CHRM2: variants seen among roughly 807,000 people sequenced by gnomAD.
CHRM2 encodes muscarinic acetylcholine receptor M2.
CHRM2 carries 8 observed loss-of-function variants against 25.0 expected under a neutral mutation model. That is an observed-to-expected ratio of 0.32 (90% CI 0.19 to 0.58). The LOEUF is 0.58. CHRM2 is among the 20% of genes least tolerant of loss of function. The pLI is 0.88. For missense variants in CHRM2, 440 were observed against 567.1 expected (o/e 0.78, Z 2.28); for synonymous variants, 202 against 205.7 (o/e 0.98, Z 0.15).
intron 2 of CHRM2, among the ~76,000 whole-genome samples, chr7:136,954,501 GTTTAT>G (rs1306379683): frequency 2.6e-5 from 4 of 152,074 alleles, no homozygotes; most frequent in African/African-American, 7.2e-5. Context: ...TAATAACATA[GTTTAT>G]TTTATTTCTG....
At chr7:136,898,838 T>C (rs969814810) in intron 2 of CHRM2, 1 of 152,048 alleles carries the variant, frequency 6.6e-6, no homozygotes, top group Non-Finnish European at 1.5e-5. Flanking sequence ...ACTATCAAGA[T>C]GGATGAAATA....
intron 2 of CHRM2, among the ~76,000 whole-genome samples, chr7:136,980,691 T>C (rs1045609571): frequency 6.6e-5 from 10 of 152,214 alleles, no homozygotes; most frequent in African/African-American, 2.2e-4. Flanking sequence ...TCTGCATCTA[T>C]TGAGATAATA....
chr7:136,926,683 G>T (rs974649466), intron 2 of CHRM2, among the ~76,000 whole-genome samples: 2 of 152,154 alleles, frequency 1.3e-5, no homozygotes, highest in African/African-American at 4.8e-5. Context: ...GAAGAAATTA[G>T]CTACTTTTGG....
chr7:136,942,161 G>A (rs1300818866), intron 2 of CHRM2, among the ~76,000 whole-genome samples: 1 of 152,108 alleles, frequency 6.6e-6, no homozygotes, highest in Non-Finnish European at 1.5e-5. Flanking sequence ...AACAGAGTAG[G>A]ATAAAGACAT....
intron 3 of CHRM2, among the ~76,000 whole-genome samples, chr7:137,007,561 G>A (rs1193753137): frequency 6.6e-6 from 1 of 152,040 alleles, no homozygotes; most frequent in Non-Finnish European, 1.5e-5. Flanking sequence ...GTGTTGCATG[G>A]CTCAAAGGAA....
intron 2 of CHRM2, among the ~76,000 whole-genome samples, chr7:136,940,799 T>C (rs1799720290): frequency 6.6e-6 from 1 of 152,208 alleles, no homozygotes; most frequent in South Asian, 2.1e-4. Context: ...AACTGTGAAT[T>C]AGATAGGTTA....
chr7:136,985,504 C>CAAAAAAAAAAAAAAAA (rs974105875), intron 2 of CHRM2, among the ~76,000 whole-genome samples: 1 of 59,756 alleles, frequency 1.7e-5, no homozygotes. Context: ...AGTTAGACTC[C>CAAAAAAAAAAAAAAAA]AAAAAAAAAA....
In CHRM2 at chr7:137,015,834, A is replaced by C; in HGVS notation, c.969A>C (p.Thr323=). 6.2e-7 allele frequency: 1 copy of C among 1,612,982 alleles called. No individual in the cohort carries two copies. The highest frequency in any genetic ancestry group is 8.5e-7 in the Non-Finnish European group (1 of 1,179,316). ...CCAAAGATGAGAACTCTAAGCAAAC[A>C]TGCATCAGAATTGGCACCAAGACCC... ...GHSKDENSKQ[T]CIRIGTKTPK... is the part of the protein sequence containing the mutation. The change falls in exon 4 of 4, where the codon ACA becomes ACC. Residue 323 remains threonine, a synonymous_variant. Transcript: ENST00000680005. The surrounding 1 kb of genome is among the most constrained non-coding windows in gnomAD (Gnocchi z 5.1).
intron 2 of CHRM2, among the ~76,000 whole-genome samples, chr7:136,912,537 T>C (rs113026142): frequency 6.6e-5 from 10 of 152,006 alleles, no homozygotes; most frequent in African/African-American, 2.4e-4. Context: ...ACCGTCACTC[T>C]ATTTGGTGGG....
intron 2 of CHRM2, among the ~76,000 whole-genome samples, chr7:136,967,346 G>T (rs915385553): frequency 5.3e-5 from 8 of 152,022 alleles, no homozygotes; most frequent in Admixed American, 3.3e-4. Context: ...TGATGATAAA[G>T]TGGGCGTGAT....
At chr7:136,947,917 A>C (rs1800163574) in intron 2 of CHRM2, among the ~76,000 whole-genome samples, 1 of 152,170 alleles carries the variant, frequency 6.6e-6, no homozygotes, top group Non-Finnish European at 1.5e-5. Flanking sequence ...ACAAGAGACA[A>C]CTGCAAGAAT....
intron 2 of CHRM2, among the ~76,000 whole-genome samples, chr7:136,983,314 A>C (rs974467597): frequency 2.6e-5 from 4 of 152,080 alleles, no homozygotes; most frequent in Non-Finnish European, 5.9e-5. Flanking sequence ...GTTCTTCTTT[A>C]AACTGGTTAT....
chr7:136,881,061 C>T (rs1796246617), intron 2 of CHRM2, among the ~76,000 whole-genome samples: 1 of 149,878 alleles, frequency 6.7e-6, no homozygotes, highest in African/African-American at 2.5e-5. Context: ...ATGTAGATGC[C>T]ACTGTATGCA....
chr7:136,966,308 C>T lies in CHRM2; in HGVS notation c.-124-25879C>T, dbSNP rs560562029. 2.4e-4 allele frequency among the ~76,000 whole-genome samples: 37 copies of T among 151,594 alleles called. 1 individual carries two copies. The highest frequency in any genetic ancestry group is 4.3e-4 in the Non-Finnish European group (29 of 67,786). On this transcript the variant is annotated intron_variant, in intron 2 of 3. Coordinates refer to ENST00000680005, the MANE Select transcript of CHRM2 (RefSeq NM_001006630.2). ...TTTCACATATTCTTTGTCTTATTTG[C>T]TTCATTTTTAATAAAATTGTCGTGA... is the stretch of plus-strand genomic sequence containing the variant.
At chr7:136,887,336 C>A (rs1266016470) in intron 2 of CHRM2, among the ~76,000 whole-genome samples, 3 of 150,162 alleles carry the variant, frequency 2.0e-5, no homozygotes, top group African/African-American at 4.9e-5. Flanking sequence ...TCGCTTTTCA[C>A]AAAAAAAAAA....
rs200187035 is a variant in CHRM2 at position 136,961,072 on chromosome 7, CCAAG to C, written c.-124-31114_-124-31111del. 6.8e-4 allele frequency among the ~76,000 whole-genome samples: 103 copies of C among 152,102 alleles called. 2 individuals are homozygous for C. In the East Asian group the frequency reaches 0.016, roughly 23 times the overall value. ...CCCAGAAGGTGGAGATTGCAGCGAGCCAAGATGGCGCCACTGCACTCCGGCCTGG... is the reference window on the plus strand; with the variant it reads ...CCCAGAAGGTGGAGATTGCAGCGAGCATGGCGCCACTGCACTCCGGCCTGG... On this transcript the variant is annotated intron_variant, in intron 2 of 3. Transcript: ENST00000680005.
At chr7:136,971,885 C>T (rs1256885902) in intron 2 of CHRM2, among the ~76,000 whole-genome samples, 1 of 152,136 alleles carries the variant, frequency 6.6e-6, no homozygotes, top group African/African-American at 2.4e-5. Context: ...ACCTTCACTA[C>T]TCTCATCTGT....
chr7:136,998,360 C>G (rs1279161235), intron 3 of CHRM2, among the ~76,000 whole-genome samples: 1 of 152,092 alleles, frequency 6.6e-6, no homozygotes, highest in East Asian at 1.9e-4. Flanking sequence ...CCAACAAGGC[C>G]GAAGTAGCAT....
intron 2 of CHRM2, among the ~76,000 whole-genome samples, chr7:136,885,850 G>C (rs1322978038): frequency 6.6e-6 from 1 of 152,130 alleles, no homozygotes; most frequent in African/African-American, 2.4e-5. Context: ...GGATTGAGGG[G>C]GGAAGAGGAA....
Sources: gnomAD v4.1 joint callset for allele counts (sites outside exome capture counted in the v4.1 genomes callset) on GRCh38, gnomAD v4.1.1 for gene constraint, Gnocchi (gnomAD v3.1) non-coding constraint, MANE v1.5 for transcripts, NCBI Gene and HGNC (gene_info 2026-07-23, HGNC 2026-07-21) for gene names.